Variants in MYO18B observed in about 807,000 individuals in gnomAD.
The protein encoded by MYO18B is myosin XVIIIB.
A neutral mutation model predicts 273.0 loss-of-function variants in MYO18B; 204 were observed. That is an observed-to-expected ratio of 0.75 (90% CI 0.67 to 0.84). The LOEUF (loss-of-function observed/expected upper bound fraction) is 0.84. MYO18B is among the 40% of genes least tolerant of loss of function. The pLI, the probability that MYO18B is intolerant of heterozygous loss-of-function variation, is 0.00. For missense variants in MYO18B, 3,212 were observed against 3,287.6 expected, an observed-to-expected ratio of 0.98 and a Z score of 0.56; for synonymous variants, 1,330 against 1,305.7, an observed-to-expected ratio of 1.02 and a Z score of -0.40.
chr22:25,996,122 C>A (rs1260522630), intron 40 of MYO18B, among the ~76,000 whole-genome samples: 4 of 152,318 alleles, frequency 2.6e-5, no homozygotes, highest in Non-Finnish European at 5.9e-5. Context: ...AATTAGAGAT[C>A]TAATGGTTAA....
Position 25,903,724 on chromosome 22 carries a change from A to G in MYO18B, c.5041A>G (p.Asn1681Asp). ...GCTGGGGTCACCCTCTCTGGGGGAAAATTGCGTTGCTGGCTTGAAGGAGAG... is the reference window on the plus strand; with the variant it reads ...GCTGGGGTCACCCTCTCTGGGGGAAGATTGCGTTGCTGGCTTGAAGGAGAG... ...ELLGSPSLGENCVAGLKERLW... is the reference protein window; with the variant it reads ...ELLGSPSLGEDCVAGLKERLW... The change falls in exon 31 of 44, where the codon AAT (asparagine) becomes GAT (aspartate). Residue 1681 changes from asparagine to aspartate, a missense_variant. Physicochemically the swap from Asn to Asp is conservative, Grantham distance 23. Transcript: ENST00000335473. 2 of 1,607,782 alleles carry G rather than the reference A, an allele frequency of 1.2e-6. No homozygotes were observed. Among genetic ancestry groups the G allele is most frequent in the Non-Finnish European group, 1.7e-6 (2 of 1,177,092 alleles).
At chr22:26,012,210 G>A (rs1934970727) in intron 42 of MYO18B, among the ~76,000 whole-genome samples, 1 of 152,188 alleles carries the variant, frequency 6.6e-6, no homozygotes, top group Admixed American at 6.5e-5. Context: ...TAAATGATGA[G>A]ATAAGACTCG....
chr22:25,992,752 G>A (rs867283241), intron 40 of MYO18B, among the ~76,000 whole-genome samples: 2 of 152,222 alleles, frequency 1.3e-5, no homozygotes, highest in Non-Finnish European at 2.9e-5. Flanking sequence ...ACAAGGACTA[G>A]CGTATGGTCT....
intron 16 of MYO18B, among the ~76,000 whole-genome samples, chr22:25,834,210 G>A (rs1431585870): frequency 1.3e-5 from 2 of 150,898 alleles, no homozygotes; most frequent in Non-Finnish European, 2.9e-5. Context: ...GCAGTGGCAC[G>A]ATCTTGGCTC....
intron 17 of MYO18B, among the ~76,000 whole-genome samples, chr22:25,835,916 C>T (rs1372209673): frequency 6.6e-6 from 1 of 152,174 alleles, no homozygotes; most frequent in Non-Finnish European, 1.5e-5. Context: ...AACCCTAGAG[C>T]AACGAGAAGC....
At chr22:26,032,243 A>C (rs1205609133), downstream of MYO18B, among the ~76,000 whole-genome samples, 2 of 152,252 alleles carry the variant, frequency 1.3e-5, no homozygotes, top group Non-Finnish European at 2.9e-5. Context: ...ATGCTGTAAC[A>C]AAATTCCACC....
At chr22:26,049,896 T>C in the MYO18B span, among the ~76,000 whole-genome samples, 1 of 152,210 alleles carries the variant, frequency 6.6e-6, no homozygotes, top group South Asian at 2.1e-4. Flanking sequence ...ATACAACAAG[T>C]ACAAAATAAT....
At chr22:25,819,055 T>TG (rs1446732089) in intron 12 of MYO18B, among the ~76,000 whole-genome samples, 4 of 152,092 alleles carry the variant, frequency 2.6e-5, no homozygotes, top group Non-Finnish European at 5.9e-5. Flanking sequence ...TGACCTCCCC[T>TG]GGGAAGAGAC....
chr22:26,053,493 C>T, the MYO18B span, among the ~76,000 whole-genome samples: 2 of 152,214 alleles, frequency 1.3e-5, no homozygotes, highest in Non-Finnish European at 2.9e-5. Flanking sequence ...AATCCCCTAT[C>T]ATCCTGGTCA....
intron 10 of MYO18B, among the ~76,000 whole-genome samples, chr22:25,784,744 C>G (rs1210483970): frequency 6.6e-6 from 1 of 152,208 alleles, no homozygotes; most frequent in Non-Finnish European, 1.5e-5. Flanking sequence ...CCCACCCCGC[C>G]TTTGGCTTGC....
At chr22:25,743,342 A>G (rs1251308484) in intron 1 of MYO18B, among the ~76,000 whole-genome samples, 1 of 152,110 alleles carries the variant, frequency 6.6e-6, no homozygotes, top group African/African-American at 2.4e-5. Flanking sequence ...TTGCTGACCT[A>G]AGTTGTATTC....
chr22:26,041,363 A>C, the MYO18B span, among the ~76,000 whole-genome samples: 2 of 147,872 alleles, frequency 1.4e-5, no homozygotes, highest in East Asian at 1.9e-4. Flanking sequence ...AAAAAAAAAA[A>C]AAAAAAAAAC....
intron 21 of MYO18B, among the ~76,000 whole-genome samples, chr22:25,862,260 G>A (rs1295318903): frequency 1.3e-5 from 2 of 152,068 alleles, no homozygotes; most frequent in East Asian, 3.9e-4. Flanking sequence ...GATACTGAGG[G>A]ATAACTGCAG....
At chr22:25,908,900 C>T (rs1452844941) in intron 32 of MYO18B, among the ~76,000 whole-genome samples, 1 of 152,204 alleles carries the variant, frequency 6.6e-6, no homozygotes, top group African/African-American at 2.4e-5. Context: ...TTTTATAGCT[C>T]TCTTTCACTC....
intron 22 of MYO18B, among the ~76,000 whole-genome samples, chr22:25,873,125 TC>T (rs1416823929): frequency 6.6e-6 from 1 of 152,130 alleles, no homozygotes; most frequent in Non-Finnish European, 1.5e-5. Flanking sequence ...AACTCAAACC[TC>T]CAGGACTCTC....
Position 25,868,346 on chromosome 22 carries a change from G to C in MYO18B, c.3912G>C (p.Leu1304=), listed in dbSNP as rs746173781. ...RKAVEELLET[L]DLEKKAVAVG... ...CCGTGGAGGAGCTCCTGGAGACCCT[G>C]GATCTGGAAAAGAAGGCGGTGGCTG... Residue 1304 remains leucine, a synonymous_variant, in exon 22 of 44, where the codon CTG becomes CTC. Coordinates refer to ENST00000335473, the MANE Select transcript of MYO18B (RefSeq NM_032608.7). 2.5e-5 allele frequency: 40 copies of C among 1,604,432 alleles called. No homozygotes were observed. The highest frequency in any genetic ancestry group is 3.1e-5 in the Non-Finnish European group (36 of 1,175,660).
In MYO18B at chr22:25,797,868, G is replaced by T. The variant is rs554219279; in HGVS notation, c.2377-85G>T. ...AATAAAATGACCCCCGCATTCCTTC[G>T]AGACGGAGCTCAGCTTCAAGTTGTG... On this transcript the variant is annotated intron_variant, in intron 11 of 43. Coordinates refer to ENST00000335473, the MANE Select transcript of MYO18B (RefSeq NM_032608.7). 3.8e-5 allele frequency: 60 copies of T among 1,593,780 alleles called. No homozygotes were observed. The Middle Eastern group carries it at 6.7e-4, about 18-fold the overall frequency.
intron 33 of MYO18B, among the ~76,000 whole-genome samples, chr22:25,914,141 G>C (rs1046938688): frequency 1.3e-5 from 2 of 151,864 alleles, no homozygotes; most frequent in Non-Finnish European, 2.9e-5. Flanking sequence ...TGGCTCATTG[G>C]GTTTTTTTTT....
chr22:25,876,046 ATG>A, intron 23 of MYO18B, 141 bp from the exon 24 acceptor site: 2 of 269,712 alleles, frequency 7.4e-6, no homozygotes, highest in African/African-American at 5.5e-5. Flanking sequence ...GTGTGTGTGT[ATG>A]TGTTTTAAGG....
Sources: gnomAD v4.1 joint callset for allele counts (sites outside exome capture counted in the v4.1 genomes callset) on GRCh38, gnomAD v4.1.1 for gene constraint, MANE v1.5 for transcripts, NCBI Gene and HGNC (gene_info 2026-07-23, HGNC 2026-07-21) for gene names.